SBF2: variants seen among roughly 807,000 people sequenced by gnomAD.
SBF2 encodes the protein SET binding factor 2.
In SBF2, 112 loss-of-function variants were observed where a neutral mutation model predicts 225.2. The observed-to-expected ratio is 0.50, with a 90% CI of 0.43 to 0.58. The LOEUF is 0.58. Ranked by LOEUF, SBF2 falls within the 20% of genes least tolerant of loss-of-function variation. SBF2 has a pLI of 0.00. For synonymous variants in SBF2, 763 were observed against 773.3 expected (o/e 0.99, Z 0.22); for missense variants, 1,996 against 2,206.2 (o/e 0.90, Z 1.91).
intron 2 of SBF2, among the ~76,000 whole-genome samples, chr11:10,077,264 G>A (rs1316187475): frequency 6.6e-6 from 1 of 152,076 alleles, no homozygotes; most frequent in East Asian, 1.9e-4. Flanking sequence ...TCCCCATCAA[G>A]CTACCAATGA....
chr11:10,292,183 T>C (rs574577967), intron 1 of SBF2, among the ~76,000 whole-genome samples: 1 of 152,318 alleles, frequency 6.6e-6, no homozygotes, highest in South Asian at 2.1e-4. Flanking sequence ...GTCTGAGAAC[T>C]AGATGGAGTA....
intron 2 of SBF2, among the ~76,000 whole-genome samples, chr11:10,068,339 A>C (rs11042605): frequency 0.034 from 5,107 of 152,256 alleles, 312 homozygotes; most frequent in East Asian, 0.19. Flanking sequence ...TTCTGTTTGA[A>C]TCCAAGGTCT....
chr11:9,885,630 A>G (rs1022318694), intron 17 of SBF2, among the ~76,000 whole-genome samples: 3 of 152,164 alleles, frequency 2.0e-5, no homozygotes, highest in Admixed American at 1.3e-4. Context: ...TTTATATTAT[A>G]TTCTATACAT....
At chr11:9,951,674 C>T (rs538076934) in intron 16 of SBF2, among the ~76,000 whole-genome samples, 22 of 152,244 alleles carry the variant, frequency 1.4e-4, no homozygotes, top group South Asian at 8.3e-4. Context: ...TTGTGGCTTA[C>T]CCAGTTTCAC....
intron 2 of SBF2, among the ~76,000 whole-genome samples, chr11:10,176,798 T>C (rs1956484804): frequency 6.6e-6 from 1 of 152,066 alleles, no homozygotes; most frequent in Non-Finnish European, 1.5e-5. Flanking sequence ...CTGAAACTAT[T>C]CCAATCAATA....
chr11:9,787,741 G>T lies in SBF2; in HGVS notation c.4933-3C>A. 1.4e-5 allele frequency: 22 copies of T among 1,612,822 alleles called. No homozygotes were observed. Among genetic ancestry groups the T allele is most frequent in the Non-Finnish European group, 1.9e-5 (22 of 1,178,858 alleles). On this transcript the variant is annotated splice_region_variant and splice_polypyrimidine_tract_variant and intron_variant, in intron 35 of 39. Coordinates refer to ENST00000256190, the MANE Select transcript of SBF2 (RefSeq NM_030962.4). ...TTGTGCTCCAATTTTTCAATTTCCT[G>T]CAAAGAAATTAAAAGTTTTCTGATC...
At chr11:10,293,146 TTTG>T (rs1964277730) in intron 1 of SBF2, among the ~76,000 whole-genome samples, 1 of 152,234 alleles carries the variant, frequency 6.6e-6, no homozygotes, top group South Asian at 2.1e-4. Context: ...CCCAGCTCAA[TTTG>T]TTATTACATT....
intron 1 of SBF2, among the ~76,000 whole-genome samples, chr11:10,275,911 TAACAC>T (rs777718979): frequency 1.3e-5 from 2 of 152,164 alleles, no homozygotes. Context: ...GTGGTATTCA[TAACAC>T]TACAGATTAC....
chr11:9,920,776 A>C (rs1344124844), intron 16 of SBF2, among the ~76,000 whole-genome samples: 5 of 152,110 alleles, frequency 3.3e-5, no homozygotes, highest in African/African-American at 1.2e-4. Flanking sequence ...CATGCCCTGT[A>C]CCGTTATTTC....
chr11:9,900,711 T>C (rs1197187191), intron 16 of SBF2, among the ~76,000 whole-genome samples: 1 of 152,148 alleles, frequency 6.6e-6, no homozygotes, highest in African/African-American at 2.4e-5. Flanking sequence ...ACTGAAACTT[T>C]ATTTATAACA....
chr11:9,826,886 C>T (rs935304464), intron 28 of SBF2, among the ~76,000 whole-genome samples: 2 of 151,954 alleles, frequency 1.3e-5, no homozygotes, highest in African/African-American at 4.8e-5. Context: ...GCGATCTTGG[C>T]TCTATGCAAC....
chr11:9,934,163 G>A (rs1279976932), intron 16 of SBF2, among the ~76,000 whole-genome samples: 1 of 152,144 alleles, frequency 6.6e-6, no homozygotes, highest in African/African-American at 2.4e-5. Context: ...ACTACCATCA[G>A]AGAATACTAT....
At chr11:10,152,660 T>C (rs1274392406) in intron 2 of SBF2, among the ~76,000 whole-genome samples, 1 of 151,958 alleles carries the variant, frequency 6.6e-6, no homozygotes, top group Non-Finnish European at 1.5e-5. Flanking sequence ...AAAAGATTAG[T>C]AGAAAAAATG....
At chr11:10,234,295 T>C (rs999976775) in intron 1 of SBF2, among the ~76,000 whole-genome samples, 3 of 152,198 alleles carry the variant, frequency 2.0e-5, no homozygotes, top group African/African-American at 7.2e-5. Context: ...TGTATCTTTT[T>C]TTCCTGAGCC....
At position 10,252,262 on chromosome 11, in the gene SBF2, A is replaced by G. The variant is rs1960426080; in HGVS notation, c.55+41753T>C. Among the ~76,000 whole-genome samples the G allele has an allele frequency of 2.6e-5, 4 of 152,252 alleles. No homozygotes were observed. In the South Asian group the frequency reaches 8.3e-4, roughly 31 times the overall value. Reference sequence around the variant, plus strand: ...ACATCAATAACTAAAGTTTTGGTCAATCTCTCAAAATTGAGAAAATGACCA... The same window carrying G: ...ACATCAATAACTAAAGTTTTGGTCAGTCTCTCAAAATTGAGAAAATGACCA... On this transcript the variant is annotated intron_variant, in intron 1 of 39. Transcript: ENST00000256190.
intron 32 of SBF2, 135 bp downstream of exon 32, chr11:9,807,865 T>A: frequency 1.2e-6 from 1 of 837,184 alleles, no homozygotes; most frequent in Non-Finnish European, 2.0e-6. Context: ...CTGCTAAGAT[T>A]TCAGCATGTC....
intron 28 of SBF2, among the ~76,000 whole-genome samples, chr11:9,827,871 G>C (rs1344121797): frequency 6.6e-6 from 1 of 152,170 alleles, no homozygotes; most frequent in Non-Finnish European, 1.5e-5. Flanking sequence ...TCATCATTTA[G>C]ACATGCTCCC....
At chr11:10,177,764 T>A (rs1377569065) in intron 2 of SBF2, among the ~76,000 whole-genome samples, 1 of 151,106 alleles carries the variant, frequency 6.6e-6, no homozygotes, top group Non-Finnish European at 1.5e-5. Context: ...ATGGCCATAC[T>A]GCCCAAGGTA....
In SBF2 at chr11:9,807,994, A is replaced by G. The variant is rs1450773584; in HGVS notation, c.4443+6T>C. The G allele has an allele frequency of 1.2e-6, 2 of 1,613,520 alleles. No homozygotes were observed. The highest frequency in any genetic ancestry group is 2.7e-5 in the African/African-American group (2 of 74,912). On this transcript the variant is annotated splice_donor_region_variant and intron_variant, in intron 32 of 39. Transcript: ENST00000256190. ...TATCAAGTCAACTCAAGCTTGCTCT[A>G]CTTACCTGGTGTACACAGTCTAAGA...
Sources: allele counts gnomAD v4.1 joint callset (sites outside exome capture counted in the v4.1 genomes callset), GRCh38; gene constraint gnomAD v4.1.1; transcripts MANE v1.5; gene names NCBI Gene and HGNC (gene_info 2026-07-23, HGNC 2026-07-21).